COPS4: variants seen among roughly 807,000 people sequenced by gnomAD.
COPS4 encodes COP9 signalosome complex subunit 4.
Under a neutral mutation model 55.1 loss-of-function variants are expected in COPS4, and 8 were observed. The observed-to-expected ratio is 0.15, with a 90% CI of 0.09 to 0.26. The LOEUF is 0.26. Ranked by LOEUF, COPS4 falls within the 10% of genes least tolerant of loss-of-function variation. The probability of loss-of-function intolerance (pLI) is 1.00; values close to 1 mark genes in which losing one functional copy is unlikely to be tolerated. For synonymous variants in COPS4, 185 were observed against 165.7 expected (o/e 1.12, Z -0.90); for missense variants, 248 against 484.0 (o/e 0.51, Z 4.58).
intron 6 of COPS4, among the ~76,000 whole-genome samples, chr4:83,061,772 A>G (rs1483732725): frequency 1.3e-5 from 2 of 151,964 alleles, no homozygotes; most frequent in African/African-American, 4.8e-5. Context: ...GTCTGGCTTC[A>G]AGCAGTCCCT....
chr4:83,068,410 TTC>T, intron 8 of COPS4, 26 bp from the exon 9 acceptor site: 3 of 1,473,766 alleles, frequency 2.0e-6, no homozygotes, highest in Non-Finnish European at 1.9e-6. Context: ...ATGATAAAGT[TTC>T]TGAGAGTTTT....
intron 2 of COPS4, among the ~76,000 whole-genome samples, chr4:83,046,104 T>C (rs1353114482): frequency 6.6e-6 from 1 of 152,030 alleles, no homozygotes; most frequent in Non-Finnish European, 1.5e-5. Context: ...AGTACATTAC[T>C]GTACTACAGG....
chr4:83,045,810 T>C (rs1730694667), intron 2 of COPS4, 105 bp downstream of exon 2: 2 of 631,580 alleles, frequency 3.2e-6, no homozygotes, highest in Admixed American at 5.8e-5. Context: ...AAATATGCAT[T>C]GAGATTGATT....
intron 1 of COPS4, among the ~76,000 whole-genome samples, chr4:83,041,537 G>A (rs1730568402): frequency 2.0e-5 from 3 of 152,076 alleles, no homozygotes; most frequent in Admixed American, 1.3e-4. Context: ...GAGTACAGTG[G>A]CTCACTGCAG....
intron 1 of COPS4, among the ~76,000 whole-genome samples, chr4:83,045,398 A>G (rs1730681398): frequency 6.6e-6 from 1 of 152,190 alleles, no homozygotes; most frequent in East Asian, 1.9e-4. Flanking sequence ...ATTCTGGTAT[A>G]CTATACTGAA....
chr4:83,074,620 G>A (rs892035649), intron 9 of COPS4, among the ~76,000 whole-genome samples: 6 of 149,996 alleles, frequency 4.0e-5, no homozygotes, highest in African/African-American at 1.2e-4. Flanking sequence ...CCGCCACCAC[G>A]CCCGGCTAAT....
intron 5 of COPS4, 54 bp downstream of exon 5, chr4:83,057,133 T>A: frequency 6.5e-7 from 1 of 1,550,032 alleles, no homozygotes; most frequent in Non-Finnish European, 8.9e-7. Flanking sequence ...TGTAACATAC[T>A]AAGATGTTCC....
At chr4:83,067,234 A>G (rs1250552720) in intron 8 of COPS4, among the ~76,000 whole-genome samples, 2 of 150,316 alleles carry the variant, frequency 1.3e-5, no homozygotes, top group Admixed American at 1.3e-4. Context: ...CGCCTGGCTA[A>G]TTTTTTTGTT....
intron 4 of COPS4, among the ~76,000 whole-genome samples, chr4:83,051,973 G>A (rs772001716): frequency 5.3e-5 from 8 of 152,156 alleles, no homozygotes; most frequent in Admixed American, 1.3e-4. Context: ...ATGTATCAAG[G>A]GCCAGGTGGT....
chr4:83,075,434 C>T lies in COPS4; in HGVS notation c.*4C>T. The T allele has an allele frequency of 1.2e-6, 2 of 1,613,844 alleles. No individual in the cohort carries two copies. The highest frequency in any genetic ancestry group is 1.6e-4 in the Middle Eastern group (1 of 6,062). On this transcript the variant is annotated 3_prime_UTR_variant, in exon 10 of 10. Transcript: ENST00000264389. Reference sequence around the variant, plus strand: ...GGAAGCCCAGATGGCTCAGTGAATCCTTGCAGAACTTCTGTGCACATGACA... The same window carrying T: ...GGAAGCCCAGATGGCTCAGTGAATCTTTGCAGAACTTCTGTGCACATGACA...
At chr4:83,035,678 C>T (rs953779228) in intron 1 of COPS4, 4 of 179,962 alleles carry the variant, frequency 2.2e-5, no homozygotes, top group South Asian at 9.7e-5. Flanking sequence ...TTGGACCTTC[C>T]TCCTCTTTTT....
intron 9 of COPS4, among the ~76,000 whole-genome samples, chr4:83,074,662 T>A (rs1034060108): frequency 4.0e-5 from 6 of 150,760 alleles, no homozygotes; most frequent in East Asian, 2.0e-4. Flanking sequence ...TTTTTTTTTT[T>A]AATTCTTTAA....
intron 7 of COPS4, among the ~76,000 whole-genome samples, 161 bp from the exon 8 acceptor site, chr4:83,066,277 A>G (rs1415932316): frequency 6.6e-6 from 1 of 152,254 alleles, no homozygotes; most frequent in African/African-American, 2.4e-5. Flanking sequence ...TTAATTGTAC[A>G]TTAATGAAAC....
chr4:83,040,265 C>T (rs1730526133), intron 1 of COPS4, among the ~76,000 whole-genome samples: 1 of 152,130 alleles, frequency 6.6e-6, no homozygotes, highest in African/African-American at 2.4e-5. Context: ...TCCCCATGAA[C>T]ATTGTAAGCA....
chr4:83,060,683 G>C (rs896371446), intron 6 of COPS4, among the ~76,000 whole-genome samples: 1 of 151,634 alleles, frequency 6.6e-6, no homozygotes, highest in African/African-American at 2.4e-5. Context: ...TGCATTCCAT[G>C]ACACGAAAAA....
chr4:83,060,762 C>T (rs971824641), intron 6 of COPS4, among the ~76,000 whole-genome samples: 3 of 150,614 alleles, frequency 2.0e-5, no homozygotes, highest in African/African-American at 4.9e-5. Context: ...AGGCCAGGCA[C>T]GGTGGCTCAC....
intron 7 of COPS4, chr4:83,064,997 C>A: frequency 1.7e-6 from 1 of 583,620 alleles, no homozygotes. Flanking sequence ...CCTTCTACCT[C>A]CACCTCCCCA....
rs1731555319 is a variant in COPS4, at chr4:83,075,670, CAG to C, written c.*243_*244del. Reference sequence around the variant, plus strand: ...ATGTTTTGAAAGCTTTTTCTTTAAACAGAGGTGAAATATCTGTGGCTAAAAAG... The same window carrying C: ...ATGTTTTGAAAGCTTTTTCTTTAAACAGGTGAAATATCTGTGGCTAAAAAG... On this transcript the variant is annotated 3_prime_UTR_variant, in exon 10 of 10. Coordinates refer to ENST00000264389, the MANE Select transcript of COPS4 (RefSeq NM_016129.3). The C allele has an allele frequency of 2.8e-6, 1 of 358,772 alleles. No individual in the cohort carries two copies. Among genetic ancestry groups the C allele is most frequent in the Admixed American group, 4.6e-5 (1 of 21,728 alleles). The allele number at this position is 358,772 out of a possible 1,614,324, so 22.2% of individuals were successfully genotyped here.
intron 4 of COPS4, among the ~76,000 whole-genome samples, chr4:83,050,401 A>G (rs1254798977): frequency 7.9e-5 from 12 of 151,894 alleles, no homozygotes; most frequent in African/African-American, 2.9e-4. Flanking sequence ...GGGTTCAAGC[A>G]ATTCTCCTGC....
Sources: gnomAD v4.1 joint callset for allele counts (sites outside exome capture counted in the v4.1 genomes callset) on GRCh38, gnomAD v4.1.1 for gene constraint, MANE v1.5 for transcripts, NCBI Gene and HGNC (gene_info 2026-07-23, HGNC 2026-07-21) for gene names.